HPS1: variants seen among roughly 807,000 people sequenced by gnomAD.
HPS1 encodes the protein HPS1 biogenesis of lysosomal organelles complex 3 subunit 1.
Under a neutral mutation model 90.6 loss-of-function variants are expected in HPS1, and 59 were observed. The observed-to-expected ratio is 0.65, with a 90% CI of 0.53 to 0.81. HPS1 has a LOEUF of 0.81. Among genes scored for constraint, HPS1 ranks in the 30% least tolerant of loss-of-function variants. The pLI is 0.00. For missense variants in HPS1, 849 were observed against 896.7 expected (o/e 0.95, Z 0.68); for synonymous variants, 388 against 384.4 (o/e 1.01, Z -0.11).
intron 10 of HPS1, among the ~76,000 whole-genome samples, chr10:98,428,136 G>A (rs1332795963): frequency 6.6e-6 from 1 of 152,206 alleles, no homozygotes; most frequent in Non-Finnish European, 1.5e-5. Context: ...CAGGGAATCT[G>A]AAGATAGCTA....
rs11592273 is a variant in HPS1 at position 98,429,811 on chromosome 10, C to T, written c.847G>A (p.Gly283Arg). Residue 283 changes from glycine to arginine, a missense_variant, in exon 9 of 20, where the codon GGG becomes AGG. Gly to Arg is a moderately radical substitution (Grantham distance 125). Transcript: ENST00000361490. ...CACACCGTCTCTGCAGAGCTCCCCC[C>T]AGTTGGGCCCGTGGAGTGAGGGCTC... The part of the protein sequence containing the change: ...AWSPHSTGPT[G>R]GSSAETETDS... 629 of 1,613,814 alleles carry T rather than the reference C, an allele frequency of 3.9e-4. 1 individual carries two copies. The African/African-American group carries it at 6.6e-3, about 17-fold the overall frequency.
At chr10:98,443,396 C>T (rs1264277817) in intron 2 of HPS1, among the ~76,000 whole-genome samples, 156 bp from the exon 3 acceptor site, 1 of 152,206 alleles carries the variant, frequency 6.6e-6, no homozygotes, top group Non-Finnish European at 1.5e-5. Flanking sequence ...TGCACCCTCA[C>T]AACTGGACAA....
At chr10:98,434,668 T>A (rs1160830898) in intron 5 of HPS1, among the ~76,000 whole-genome samples, 1 of 151,948 alleles carries the variant, frequency 6.6e-6, no homozygotes, top group Non-Finnish European at 1.5e-5. Flanking sequence ...AGCTTCCCAA[T>A]CCATCTTAGA....
intron 17 of HPS1, 29 bp downstream of exon 17, chr10:98,422,340 C>T (rs768780877): frequency 2.5e-6 from 4 of 1,597,582 alleles, no homozygotes; most frequent in South Asian, 2.2e-5. Context: ...TGAGGCCCAC[C>T]CATCCCCGCC....
intron 10 of HPS1, among the ~76,000 whole-genome samples, chr10:98,428,568 A>T (rs1363202047): frequency 6.6e-6 from 1 of 152,206 alleles, no homozygotes; most frequent in Non-Finnish European, 1.5e-5. Context: ...GGTGATTCCA[A>T]TGTGCCAGGG....
intron 2 of HPS1, among the ~76,000 whole-genome samples, chr10:98,444,150 C>G (rs1939009582): frequency 6.6e-6 from 1 of 152,164 alleles, no homozygotes; most frequent in Non-Finnish European, 1.5e-5. Flanking sequence ...GCTGCTCTCC[C>G]TGTTCATGGT....
At chr10:98,414,494 G>A (rs1366983727), downstream of HPS1, among the ~76,000 whole-genome samples, 1 of 152,148 alleles carries the variant, frequency 6.6e-6, no homozygotes, top group Non-Finnish European at 1.5e-5. Flanking sequence ...GGAACTCTGG[G>A]ACTCAGTTCT....
intron 7 of HPS1, 50 bp downstream of exon 7, chr10:98,431,081 T>G (rs1591091239): frequency 1.3e-5 from 21 of 1,593,226 alleles, no homozygotes; most frequent in East Asian, 2.3e-5. Context: ...CATAGGGGAG[T>G]GAGAAGGCCA....
At chr10:98,441,423 C>T (rs781072693) in intron 3 of HPS1, among the ~76,000 whole-genome samples, 70 of 152,092 alleles carry the variant, frequency 4.6e-4, no homozygotes, top group Non-Finnish European at 8.7e-4. Context: ...AACTATAAAA[C>T]TTTCAAAAGA....
chr10:98,430,539 G>T, intron 8 of HPS1, 32 bp downstream of exon 8: 1 of 1,513,172 alleles, frequency 6.6e-7, no homozygotes, highest in Non-Finnish European at 9.0e-7. Flanking sequence ...CTCCCTAATG[G>T]CCTCCCTCTG....
At chr10:98,429,694 C>G (rs778564927) in intron 9 of HPS1, 52 bp from the exon 10 acceptor site, 1 of 1,613,948 alleles carries the variant, frequency 6.2e-7, no homozygotes, top group East Asian at 2.2e-5. Flanking sequence ...CTGGCTCAAC[C>G]CTGTCCCTGC....
chr10:98,430,495 T>A, intron 8 of HPS1, 76 bp downstream of exon 8: 1 of 1,143,596 alleles, frequency 8.7e-7, no homozygotes, highest in Non-Finnish European at 1.3e-6. Context: ...AGGGGGAGCC[T>A]GCCCACCATC....
rs767480517 is a variant in HPS1 at position 98,435,758 on chromosome 10, C to T, written c.132G>A (p.Glu44=). The change falls in exon 4 of 20, where the codon GAG becomes GAA. Residue 44 remains glutamate, a synonymous_variant. Coordinates refer to ENST00000361490, the MANE Select transcript of HPS1 (RefSeq NM_000195.5). The surrounding 1 kb of genome is among the most constrained non-coding windows in gnomAD (Gnocchi z 4.3). The part of the protein sequence containing the change: ...ENEEEELPAL[E]DQLSTLLAPV... ...GGGCTAGGAGGGTGCTGAGCTGGTCCTCCAGGGCAGGGAGCTGCAAAAATG... is the reference window on the plus strand; with the variant it reads ...GGGCTAGGAGGGTGCTGAGCTGGTCTTCCAGGGCAGGGAGCTGCAAAAATG... The T allele has an allele frequency of 4.3e-6, 7 of 1,614,160 alleles. No homozygotes were observed. The East Asian group carries it at 8.9e-5, about 21-fold the overall frequency.
intron 3 of HPS1, among the ~76,000 whole-genome samples, chr10:98,440,518 A>G (rs1938229572): frequency 6.6e-6 from 1 of 152,148 alleles, no homozygotes. Context: ...TATAATGGCA[A>G]GTGGAAAAAA....
At chr10:98,427,165 T>C (rs1845715479) in intron 11 of HPS1, 50 bp downstream of exon 11, 2 of 1,462,312 alleles carry the variant, frequency 1.4e-6, no homozygotes, top group Admixed American at 3.9e-5. Context: ...CAATACTCAC[T>C]GCGGCATCTC....
At chr10:98,429,331 G>A in intron 10 of HPS1, 2 of 1,439,132 alleles carry the variant, frequency 1.4e-6, no homozygotes, top group Non-Finnish European at 1.8e-6. Context: ...AGTTTTAAAT[G>A]AATCAACTTG....
Position 98,416,718 on chromosome 10 carries a change from C to T in HPS1, c.*846G>A, listed in dbSNP as rs1273518478. On this transcript the variant is annotated 3_prime_UTR_variant, in exon 20 of 20. Coordinates refer to ENST00000361490, the MANE Select transcript of HPS1 (RefSeq NM_000195.5). ...CTGGCCTCAGAGGAGCAGACACTCC[C>T]AGTCCCAGGGCTCTCAGGGTCTCTT... 6.6e-6 allele frequency: 1 copy of T among 152,358 alleles called. No individual in the cohort carries two copies. The highest frequency in any genetic ancestry group is 1.5e-5 in the Non-Finnish European group (1 of 68,086). 9.4% of individuals were successfully genotyped at this position (152,358 alleles called of 1,614,324 possible).
intron 6 of HPS1, among the ~76,000 whole-genome samples, chr10:98,433,774 T>C (rs555369355): frequency 2.4e-4 from 36 of 152,238 alleles, no homozygotes; most frequent in Non-Finnish European, 3.8e-4. Flanking sequence ...AAAGTATGTG[T>C]TATCCAGGAT....
Position 98,417,734 on chromosome 10 carries a change from G to A in HPS1, c.1941-8C>T. 2 of 1,613,494 alleles carry A rather than the reference G, an allele frequency of 1.2e-6. No individual in the cohort carries two copies. Among genetic ancestry groups the A allele is most frequent in the African/African-American group, 2.7e-5 (2 of 75,034 alleles). On this transcript the variant is annotated splice_polypyrimidine_tract_variant and splice_region_variant and intron_variant, in intron 19 of 19. Coordinates refer to ENST00000361490, the MANE Select transcript of HPS1 (RefSeq NM_000195.5). The surrounding 1 kb of genome is among the most constrained non-coding windows in gnomAD (Gnocchi z 4.2). ...TAGTAGCGCAGGAGCTTCCTGGGGA[G>A]GAAGGGGAGGATGGGATTCAGGAGT...
Sources: gnomAD v4.1 joint callset for allele counts (sites outside exome capture counted in the v4.1 genomes callset) on GRCh38, gnomAD v4.1.1 for gene constraint, Gnocchi (gnomAD v3.1) non-coding constraint, MANE v1.5 for transcripts, NCBI Gene and HGNC (gene_info 2026-07-23, HGNC 2026-07-21) for gene names.